WASHC3: variants seen among roughly 807,000 people sequenced by gnomAD.
The protein encoded by WASHC3 is WASH complex subunit CCDC53.
A neutral mutation model predicts 26.1 loss-of-function variants in WASHC3; 24 were observed. The observed-to-expected ratio is 0.92, with a 90% confidence interval of 0.66 to 1.29. The LOEUF is 1.29. Ranked by LOEUF, WASHC3 falls within the 50% of genes most tolerant of loss-of-function variation. WASHC3 has a pLI of 0.00. For synonymous variants in WASHC3, 77 were observed against 75.7 expected (o/e 1.02, Z -0.09); for missense variants, 214 against 229.6 (o/e 0.93, Z 0.44).
chr12:102,014,576 T>C (rs1031959410), intron 6 of WASHC3, among the ~76,000 whole-genome samples: 1 of 152,226 alleles, frequency 6.6e-6, no homozygotes, highest in Non-Finnish European at 1.5e-5. Context: ...TTTGGCATAC[T>C]ACAAAAGAGA....
intron 6 of WASHC3, among the ~76,000 whole-genome samples, chr12:102,013,697 G>T (rs2121307879): frequency 6.6e-6 from 1 of 152,312 alleles, no homozygotes; most frequent in African/African-American, 2.4e-5. Context: ...GAAGGAGAGT[G>T]CCTGGTCGAA....
intron 2 of WASHC3, among the ~76,000 whole-genome samples, chr12:102,053,246 AC>A (rs1878463289): frequency 6.6e-6 from 1 of 151,690 alleles, no homozygotes; most frequent in Non-Finnish European, 1.5e-5. Context: ...TGCCAGACCA[AC>A]CCCTGCAGAC....
At chr12:102,040,754 C>A (rs1254400465) in intron 4 of WASHC3, among the ~76,000 whole-genome samples, 1 of 151,912 alleles carries the variant, frequency 6.6e-6, no homozygotes, top group Non-Finnish European at 1.5e-5. Context: ...TGCTTAAATG[C>A]AAAACTAGAT....
At chr12:102,027,017 C>T (rs1877223332) in intron 5 of WASHC3, among the ~76,000 whole-genome samples, 1 of 152,160 alleles carries the variant, frequency 6.6e-6, no homozygotes, top group African/African-American at 2.4e-5. Flanking sequence ...TATCATTAGC[C>T]AGTTGTGATG....
At chr12:102,035,752 C>A (rs986772694) in intron 5 of WASHC3, among the ~76,000 whole-genome samples, 1 of 152,146 alleles carries the variant, frequency 6.6e-6, no homozygotes, top group African/African-American at 2.4e-5. Context: ...ATACCATTCT[C>A]CCTCTCATGG....
intron 5 of WASHC3, among the ~76,000 whole-genome samples, chr12:102,031,655 A>G (rs772848005): frequency 1.3e-5 from 2 of 152,200 alleles, no homozygotes; most frequent in Non-Finnish European, 2.9e-5. Context: ...AATAAACAGA[A>G]TGAGGCTAAA....
chr12:102,034,024 A>G (rs914248364), intron 5 of WASHC3, among the ~76,000 whole-genome samples: 1 of 152,128 alleles, frequency 6.6e-6, no homozygotes, highest in African/African-American at 2.4e-5. Context: ...ATTTTAATAC[A>G]TATCTAAAAT....
intron 3 of WASHC3, among the ~76,000 whole-genome samples, chr12:102,044,560 C>T (rs1417213600): frequency 1.3e-5 from 2 of 152,050 alleles, no homozygotes; most frequent in Non-Finnish European, 2.9e-5. Flanking sequence ...ATTATCTCAC[C>T]TGTAAAGTGG....
chr12:102,061,877 G>GACGA (rs1225599436), intron 1 of WASHC3, 35 bp downstream of exon 1: 1 of 1,558,896 alleles, frequency 6.4e-7, no homozygotes, highest in Non-Finnish European at 8.7e-7. Flanking sequence ...TCCTCCTCCC[G>GACGA]GCTCGTCGGG....
chr12:102,045,556 A>C (rs1237250574), intron 3 of WASHC3, among the ~76,000 whole-genome samples: 1 of 152,336 alleles, frequency 6.6e-6, no homozygotes, highest in Admixed American at 6.5e-5. Flanking sequence ...AAAATCTTTA[A>C]GCTTGCAATC....
chr12:102,023,499 G>T (rs1302973818), intron 6 of WASHC3, among the ~76,000 whole-genome samples: 2 of 152,156 alleles, frequency 1.3e-5, no homozygotes, highest in Admixed American at 1.3e-4. Context: ...AAATAAAAGT[G>T]TACTCTTCCC....
intron 5 of WASHC3, among the ~76,000 whole-genome samples, chr12:102,037,362 G>A (rs527961686): frequency 1.2e-4 from 18 of 152,300 alleles, no homozygotes; most frequent in African/African-American, 4.3e-4. Flanking sequence ...AATGCTGGAA[G>A]TTGATAAGAA....
At chr12:102,033,168 A>G (rs964282679) in intron 5 of WASHC3, among the ~76,000 whole-genome samples, 1 of 152,138 alleles carries the variant, frequency 6.6e-6, no homozygotes, top group African/African-American at 2.4e-5. Flanking sequence ...ATGGCAGTTT[A>G]GAGAGGAAGC....
chr12:102,040,113 C>A (rs575880331), intron 4 of WASHC3, 135 bp from the exon 5 acceptor site: 46 of 404,836 alleles, frequency 1.1e-4, no homozygotes, highest in Non-Finnish European at 2.0e-4. Context: ...AATTTAAATA[C>A]CAATAATTTA....
intron 5 of WASHC3, among the ~76,000 whole-genome samples, chr12:102,026,983 T>C (rs898724802): frequency 1.3e-5 from 2 of 152,232 alleles, no homozygotes; most frequent in African/African-American, 4.8e-5. Context: ...ATCACCTCTC[T>C]ATTGCTGTTG....
At chr12:102,043,647 A>G (rs1174153649) in intron 4 of WASHC3, 1 of 152,428 alleles carries the variant, frequency 6.6e-6, no homozygotes, top group African/African-American at 2.4e-5. Context: ...AAAACTTTTC[A>G]GAGATGCTCA....
chr12:102,016,714 C>T lies in WASHC3; in HGVS notation c.501-3522G>A, dbSNP rs528187802. ...TATTGATGATCCTGACATGACTAGG[C>T]CTTGTATGTGTTTTAGTTTTTGGCA... On this transcript the variant is annotated intron_variant, in intron 6 of 6. Transcript: ENST00000240079. Among the ~76,000 whole-genome samples the T allele has an allele frequency of 4.6e-5, 7 of 152,054 alleles. 1 individual carries two copies. The South Asian group carries it at 1.5e-3, about 32-fold the overall frequency.
intron 2 of WASHC3, among the ~76,000 whole-genome samples, chr12:102,060,956 CAA>C (rs56001519): frequency 4.5e-4 from 25 of 55,616 alleles, no homozygotes; most frequent in African/African-American, 1.0e-3. Flanking sequence ...CCCTGTCTCA[CAA>C]AAAAAAAAAA....
intron 5 of WASHC3, among the ~76,000 whole-genome samples, chr12:102,038,341 C>G (rs1877765376): frequency 1.3e-5 from 2 of 152,098 alleles, no homozygotes; most frequent in Admixed American, 6.5e-5. Context: ...AGACAATTAT[C>G]AAGAATTTAA....
Sources: gnomAD v4.1 joint callset for allele counts (sites outside exome capture counted in the v4.1 genomes callset) on GRCh38, gnomAD v4.1.1 for gene constraint, MANE v1.5 for transcripts, NCBI Gene and HGNC (gene_info 2026-07-23, HGNC 2026-07-21) for gene names.